The following HTRA3 variants were observed in gnomAD, a reference collection of about 807,000 sequenced individuals.
HTRA3 encodes the protein HtrA serine peptidase 3.
HTRA3 carries 41 observed loss-of-function variants against 43.2 expected under a neutral mutation model. That is an observed-to-expected ratio of 0.95 (90% CI 0.74 to 1.23). The LOEUF is 1.23. HTRA3 is among the 50% of genes most tolerant of loss of function. The pLI, the probability that HTRA3 is intolerant of heterozygous loss-of-function variation, is 0.00. For missense variants in HTRA3, 628 were observed against 647.1 expected, an observed-to-expected ratio of 0.97 and a Z score of 0.32; for synonymous variants, 295 against 287.9, an observed-to-expected ratio of 1.02 and a Z score of -0.25.
intron 1 of HTRA3, among the ~76,000 whole-genome samples, chr4:8,281,221 G>C (rs1433384428): frequency 6.6e-6 from 1 of 152,218 alleles, no homozygotes; most frequent in Non-Finnish European, 1.5e-5. Context: ...ATCCACCATG[G>C]TACCTTCGTG....
chr4:8,295,055 A>G lies in HTRA3; in HGVS notation c.1051+854A>G, dbSNP rs531777144. Among the ~76,000 whole-genome samples, 1 of 147,116 alleles carries G rather than the reference A, an allele frequency of 6.8e-6. No homozygotes were observed. Among genetic ancestry groups the G allele is most frequent in the South Asian group, 2.2e-4 (1 of 4,510 alleles). On this transcript the variant is annotated intron_variant, in intron 6 of 8. Coordinates refer to ENST00000307358, the MANE Select transcript of HTRA3 (RefSeq NM_053044.5). This position sits in a 1 kb window ranked among gnomAD's most constrained non-coding sequence, Gnocchi z 6.9. ...CCACCCATTCACCCACCTGGCCACC[A>G]TTTCTTCCTTCCTTTATTTTTTCCT...
chr4:8,295,634 C>A lies in HTRA3; in HGVS notation c.1051+1433C>A. 1.6e-6 allele frequency: 2 copies of A among 1,280,536 alleles called. No individual in the cohort carries two copies. The highest frequency in any genetic ancestry group is 2.1e-5 in the South Asian group (1 of 47,364). The allele number at this position is 1,280,536 out of a possible 1,614,324, so 79.3% of individuals were successfully genotyped here. ...TGTGTCTCCTGTGCCCACCTCCTGG[C>A]CAACGCCCAGGCCTGACTCAGCAAC... On this transcript the variant is annotated intron_variant, in intron 6 of 8. Coordinates refer to ENST00000307358, the MANE Select transcript of HTRA3 (RefSeq NM_053044.5). The surrounding 1 kb of genome is among the most constrained non-coding windows in gnomAD (Gnocchi z 6.9).
intron 3 of HTRA3, among the ~76,000 whole-genome samples, chr4:8,290,280 G>A (rs762638795): frequency 1.3e-5 from 2 of 152,240 alleles, no homozygotes; most frequent in African/African-American, 4.8e-5. Flanking sequence ...CTTTCTCCTC[G>A]TATTGAAAGC....
chr4:8,280,813 G>A (rs892205837), intron 1 of HTRA3, among the ~76,000 whole-genome samples: 1 of 152,234 alleles, frequency 6.6e-6, no homozygotes, highest in Non-Finnish European at 1.5e-5. Context: ...GACGAGGGCT[G>A]GTGTGGTTGG....
At chr4:8,278,046 G>A (rs1712598455) in intron 1 of HTRA3, among the ~76,000 whole-genome samples, 1 of 152,208 alleles carries the variant, frequency 6.6e-6, no homozygotes. Context: ...TCTGATATTT[G>A]TCAGTAAGGG....
chr4:8,272,689 G>A (rs1041785079), intron 1 of HTRA3, among the ~76,000 whole-genome samples: 2 of 152,256 alleles, frequency 1.3e-5, no homozygotes, highest in African/African-American at 2.4e-5. Flanking sequence ...TCTGTGCCAA[G>A]CTGTGGAGGA....
At position 8,279,886 on chromosome 4, in the gene HTRA3, A is replaced by G. The variant is rs563136709; in HGVS notation, c.386-2551A>G. Among the ~76,000 whole-genome samples the G allele has an allele frequency of 5.3e-5, 8 of 152,176 alleles. No homozygotes were observed. The highest frequency in any genetic ancestry group is 1.7e-4 in the African/African-American group (7 of 41,516). On this transcript the variant is annotated intron_variant, in intron 1 of 8. Coordinates refer to ENST00000307358, the MANE Select transcript of HTRA3 (RefSeq NM_053044.5). The surrounding 1 kb of genome is among the most constrained non-coding windows in gnomAD (Gnocchi z 7.4). ...CTGTGCTGTCTCTGGTCGGTCACTG[A>G]CTTGACCCTTGCCCCCAGCTGAACC... is the stretch of plus-strand genomic sequence containing the variant.
At chr4:8,304,472 G>C (rs1315166856) in intron 8 of HTRA3, among the ~76,000 whole-genome samples, 193 bp downstream of exon 8, 1 of 152,034 alleles carries the variant, frequency 6.6e-6, no homozygotes, top group East Asian at 1.9e-4. Context: ...GACTGTGTAC[G>C]TCCTAAGTCC....
At position 8,269,781 on chromosome 4, in the gene HTRA3, G is replaced by C. The variant is rs1247662975; in HGVS notation, c.-188G>C. On this transcript the variant is annotated 5_prime_UTR_variant, in exon 1 of 9. Coordinates refer to ENST00000307358, the MANE Select transcript of HTRA3 (RefSeq NM_053044.5). ...CAGGCTGGAGGGAGCTGGTCCCTGC[G>C]CTCCCTGCGCCCTGGGGATGCCCCT... 2 of 161,206 alleles carry C rather than the reference G, an allele frequency of 1.2e-5. No individual in the cohort carries two copies. The highest frequency in any genetic ancestry group is 2.6e-5 in the Non-Finnish European group (2 of 75,668). 10.0% of individuals were successfully genotyped at this position (161,206 alleles called of 1,614,324 possible).
chr4:8,282,018 A>AG (rs1712766219), intron 1 of HTRA3, among the ~76,000 whole-genome samples: 1 of 152,110 alleles, frequency 6.6e-6, no homozygotes, highest in South Asian at 2.1e-4. Context: ...CCATGAGGAG[A>AG]GGGCCAGTTC....
At chr4:8,301,441 TTTA>T (rs1560143627) in intron 6 of HTRA3, among the ~76,000 whole-genome samples, 2 of 151,820 alleles carry the variant, frequency 1.3e-5, no homozygotes, top group Non-Finnish European at 2.9e-5. Context: ...CACACTCAGC[TTTA>T]TTGAGTCACA....
chr4:8,298,868 G>T (rs772069000), intron 6 of HTRA3, among the ~76,000 whole-genome samples: 1 of 152,220 alleles, frequency 6.6e-6, no homozygotes, highest in East Asian at 1.9e-4. Flanking sequence ...GCACTGGCCC[G>T]ATTACTGTGG....
At chr4:8,304,651 T>TGGG (rs1435916240) in intron 8 of HTRA3, among the ~76,000 whole-genome samples, 1 of 115,356 alleles carries the variant, frequency 8.7e-6, no homozygotes, top group East Asian at 2.7e-4. Context: ...TTGTTTTTTT[T>TGGG]TTTTTTTTTT....
intron 6 of HTRA3, among the ~76,000 whole-genome samples, chr4:8,294,825 TC>T (rs1174541990): frequency 2.0e-5 from 2 of 100,958 alleles, no homozygotes; most frequent in African/African-American, 3.5e-5. Flanking sequence ...CAGCCATTCA[TC>T]CATTCATCCA....
chr4:8,290,297 G>T (rs1399169869), intron 3 of HTRA3, among the ~76,000 whole-genome samples: 1 of 152,254 alleles, frequency 6.6e-6, no homozygotes, highest in Admixed American at 6.5e-5. Flanking sequence ...AAGCTGCAAA[G>T]AGAAACTTTC....
In HTRA3 at chr4:8,286,517, C is replaced by T; in HGVS notation, c.486-44C>T. ...ACCACTGCGCCTGACTCCCCCGCGT[C>T]CTAGCCCCACCCTAAATGCCCGCCT... On this transcript the variant is annotated intron_variant, in intron 2 of 8. Transcript: ENST00000307358. The surrounding 1 kb of genome is among the most constrained non-coding windows in gnomAD (Gnocchi z 4.9). The T allele has an allele frequency of 6.4e-7, 1 of 1,565,954 alleles. No individual in the cohort carries two copies. Among genetic ancestry groups the T allele is most frequent in the Non-Finnish European group, 8.8e-7 (1 of 1,139,222 alleles).
Position 8,295,789 on chromosome 4 carries a change from C to G in HTRA3, c.1051+1588C>G. 7.9e-7 allele frequency: 1 copy of G among 1,267,162 alleles called. No homozygotes were observed. Among genetic ancestry groups the G allele is most frequent in the Non-Finnish European group, 1.0e-6 (1 of 1,003,974 alleles). The allele number at this position is 1,267,162 out of a possible 1,614,324, so 78.5% of individuals were successfully genotyped here. A position where few individuals can be genotyped will look rare whatever the true frequency, so the allele number is the denominator to read the frequency against. Reference sequence around the variant, plus strand: ...GCCAAGCACATGGACCCCAGTGCAGCCAAGGCTGGTGCCATGAGGGCTGGT... The same window carrying G: ...GCCAAGCACATGGACCCCAGTGCAGGCAAGGCTGGTGCCATGAGGGCTGGT... On this transcript the variant is annotated intron_variant, in intron 6 of 8. Coordinates refer to ENST00000307358, the MANE Select transcript of HTRA3 (RefSeq NM_053044.5). This position sits in a 1 kb window ranked among gnomAD's most constrained non-coding sequence, Gnocchi z 6.9.
chr4:8,277,193 A>G (rs889627135), intron 1 of HTRA3, among the ~76,000 whole-genome samples: 3 of 152,008 alleles, frequency 2.0e-5, no homozygotes, highest in African/African-American at 7.2e-5. Context: ...ACTTGGGGAC[A>G]TGGCTCGGTG....
intron 5 of HTRA3, among the ~76,000 whole-genome samples, 197 bp from the exon 6 acceptor site, chr4:8,293,890 G>T (rs1032914265): frequency 9.2e-5 from 14 of 152,072 alleles, no homozygotes; most frequent in African/African-American, 3.4e-4. Context: ...GGGGAAGGGG[G>T]ATCTCCAGGA....
Sources: allele counts gnomAD v4.1 joint callset (sites outside exome capture counted in the v4.1 genomes callset), GRCh38; gene constraint gnomAD v4.1.1; non-coding constraint Gnocchi (gnomAD v3.1); transcripts MANE v1.5; gene names NCBI Gene and HGNC (gene_info 2026-07-23, HGNC 2026-07-21).